The following RYR2 variants were observed in gnomAD, a reference collection of about 807,000 sequenced individuals.
RYR2 encodes the protein ryanodine receptor 2.
A neutral mutation model predicts 601.1 loss-of-function variants in RYR2; 227 were observed. The ratio of observed to expected loss-of-function variants is 0.38; its 90% CI spans 0.34 to 0.42. The LOEUF (loss-of-function observed/expected upper bound fraction) is 0.42. Among genes scored for constraint, RYR2 ranks in the 10% least tolerant of loss-of-function variants. The pLI is 1.00. For missense variants in RYR2, 4,646 were observed against 6,156.5 expected (o/e 0.75, Z 8.21); for synonymous variants, 2,223 against 2,175.1 (o/e 1.02, Z -0.61).
rs551891736 is a variant in RYR2 at position 237,590,266 on chromosome 1, T to C, written c.3807+265T>C. 3.3e-5 allele frequency among the ~76,000 whole-genome samples: 5 copies of C among 152,072 alleles called. 1 individual carries two copies. Among genetic ancestry groups the C allele is most frequent in the African/African-American group, 1.2e-4 (5 of 41,466 alleles). ...TCTATAGCTCAGACTATGTCTGGGG[T>C]TTGTGCGCATCAAGCTCTTTAGCTA... is the stretch of plus-strand genomic sequence containing the variant. On this transcript the variant is annotated intron_variant, in intron 30 of 104. Coordinates refer to ENST00000366574, the MANE Select transcript of RYR2 (RefSeq NM_001035.3).
chr1:237,147,045 A>G (rs1463074411), intron 1 of RYR2, among the ~76,000 whole-genome samples: 5 of 152,174 alleles, frequency 3.3e-5, no homozygotes, highest in Non-Finnish European at 5.9e-5. Flanking sequence ...GGAAAAAACT[A>G]TGAGCAAACT....
chr1:237,646,840 G>A (rs1326297221), intron 48 of RYR2, among the ~76,000 whole-genome samples: 2 of 152,178 alleles, frequency 1.3e-5, no homozygotes, highest in Non-Finnish European at 2.9e-5. Context: ...CAGGCACTGC[G>A]GGGTGACACT....
intron 16 of RYR2, among the ~76,000 whole-genome samples, chr1:237,466,090 A>G (rs922221585): frequency 4.6e-5 from 7 of 152,176 alleles, no homozygotes; most frequent in Non-Finnish European, 8.8e-5. Flanking sequence ...ATATCTATAT[A>G]TCTATGTATC....
chr1:237,217,923 T>C (rs1683370888), intron 1 of RYR2, among the ~76,000 whole-genome samples: 1 of 152,222 alleles, frequency 6.6e-6, no homozygotes, highest in South Asian at 2.1e-4. Context: ...TAATAGTTAA[T>C]GGAGACAAGG....
intron 9 of RYR2, 38 bp from the exon 10 acceptor site, chr1:237,388,049 C>A: frequency 6.4e-7 from 1 of 1,566,782 alleles, no homozygotes; most frequent in Non-Finnish European, 8.8e-7. Flanking sequence ...GCACCTGACA[C>A]TGACAGTCCA....
rs560071185 is a variant in RYR2 at position 237,638,783 on chromosome 1, G to A, written c.6929-232G>A. ...TTCTATAATAATAACAAGTTAGTGA[G>A]AATCAATAGTTTATGCCTCCATAAT... is the stretch of plus-strand genomic sequence containing the variant. On this transcript the variant is annotated intron_variant, in intron 45 of 104. Transcript: ENST00000366574. Among the ~76,000 whole-genome samples the A allele has an allele frequency of 2.3e-3, 354 of 152,216 alleles. 1 individual carries two copies. The highest frequency in any genetic ancestry group is 4.0e-3 in the Non-Finnish European group (270 of 68,018).
intron 1 of RYR2, among the ~76,000 whole-genome samples, chr1:237,251,384 G>A (rs925344531): frequency 3.3e-5 from 5 of 152,158 alleles, no homozygotes; most frequent in Admixed American, 6.5e-5. Flanking sequence ...TGAACACCAC[G>A]TTGCCAAATG....
intron 25 of RYR2, among the ~76,000 whole-genome samples, chr1:237,546,976 C>CATATATAT (rs558814390): frequency 5.1e-4 from 50 of 97,484 alleles, no homozygotes; most frequent in East Asian, 1.2e-3. Context: ...TTTTCAAAAG[C>CATATATAT]ATATATATAT....
intron 4 of RYR2, among the ~76,000 whole-genome samples, chr1:237,360,250 A>T (rs187912682): frequency 4.6e-5 from 7 of 152,328 alleles, no homozygotes; most frequent in Admixed American, 3.9e-4. Context: ...ATCTGAATAG[A>T]GGGCAGGCTT....
At chr1:237,571,716 G>A (rs34729156) in intron 29 of RYR2, among the ~76,000 whole-genome samples, 33,562 of 152,096 alleles carry the variant, frequency 0.22, 4,060 homozygotes, top group South Asian at 0.37. Flanking sequence ...TAGCTTTTGA[G>A]CAGGTATGAA....
rs71561879 is a variant in RYR2 at position 237,511,834 on chromosome 1, G to GAAA, written c.2822+66_2822+68dup. ...TTCTATTTTCCAACCTGCCTTCCCT[G>GAAA]AAAAAAAAAAAAAAAAAAAAAAAAA... is the stretch of plus-strand genomic sequence containing the variant. On this transcript the variant is annotated intron_variant, in intron 24 of 104. Coordinates refer to ENST00000366574, the MANE Select transcript of RYR2 (RefSeq NM_001035.3). 3.6e-3 allele frequency: 686 copies of GAAA among 188,692 alleles called. 13 individuals carry two copies. The highest frequency in any genetic ancestry group is 5.6e-3 in the African/African-American group (184 of 32,922). 11.7% of individuals were successfully genotyped at this position (188,692 alleles called of 1,614,324 possible). A position where few individuals can be genotyped will look rare whatever the true frequency, so the allele number is the denominator to read the frequency against.
intron 4 of RYR2, among the ~76,000 whole-genome samples, chr1:237,359,352 C>A (rs959298212): frequency 6.6e-6 from 1 of 152,080 alleles, no homozygotes; most frequent in Admixed American, 6.6e-5. Flanking sequence ...TTCACATTGT[C>A]GTACAGTTGA....
chr1:237,098,921 G>A (rs1003338667), intron 1 of RYR2, among the ~76,000 whole-genome samples: 4 of 142,634 alleles, frequency 2.8e-5, no homozygotes, highest in African/African-American at 1.0e-4. Flanking sequence ...AGCTGAGACG[G>A]TCTCTTCCCC....
chr1:237,775,963 A>G (rs145114027), intron 87 of RYR2, among the ~76,000 whole-genome samples: 1,660 of 152,322 alleles, frequency 0.011, 17 homozygotes, highest in Middle Eastern at 0.02. Context: ...TTGGGCTTGC[A>G]ACTCTGTCAC....
At chr1:237,117,696 T>TCTTCTCTTCC (rs1670264734) in intron 1 of RYR2, among the ~76,000 whole-genome samples, 1 of 106,506 alleles carries the variant, frequency 9.4e-6, no homozygotes, top group African/African-American at 4.0e-5. Flanking sequence ...TCTTCTCTTC[T>TCTTCTCTTCC]CTTCTCTTCT....
intron 1 of RYR2, among the ~76,000 whole-genome samples, chr1:237,178,077 T>C (rs1266281489): frequency 1.3e-5 from 2 of 152,222 alleles, no homozygotes; most frequent in African/African-American, 2.4e-5. Flanking sequence ...GCTTATGTAA[T>C]GGATGTAAAA....
chr1:237,148,328 G>C (rs571384315), intron 1 of RYR2, among the ~76,000 whole-genome samples: 11 of 151,742 alleles, frequency 7.2e-5, no homozygotes, highest in African/African-American at 2.7e-4. Context: ...CACAGTGAGG[G>C]GAACATCACA....
intron 2 of RYR2, among the ~76,000 whole-genome samples, chr1:237,273,832 GAT>G (rs904595809): frequency 2.7e-5 from 4 of 148,374 alleles, no homozygotes; most frequent in African/African-American, 9.8e-5. Context: ...AAACAAAAGA[GAT>G]ATATAAAAAT....
chr1:237,449,571 G>T (rs1657823055), intron 14 of RYR2, among the ~76,000 whole-genome samples: 1 of 150,602 alleles, frequency 6.6e-6, no homozygotes, highest in African/African-American at 2.4e-5. Flanking sequence ...TGCTCTTTTT[G>T]TGTGTGTGTG....
Sources: allele counts gnomAD v4.1 joint callset (sites outside exome capture counted in the v4.1 genomes callset), GRCh38; gene constraint gnomAD v4.1.1; transcripts MANE v1.5; gene names NCBI Gene and HGNC (gene_info 2026-07-23, HGNC 2026-07-21).